The following FTO variants were observed in gnomAD, a reference collection of about 807,000 sequenced individuals.
The protein encoded by FTO is alpha-ketoglutarate-dependent dioxygenase FTO.
A neutral mutation model predicts 63.9 loss-of-function variants in FTO; 47 were observed. That is an observed-to-expected ratio of 0.74 (90% confidence interval 0.58 to 0.94). The LOEUF is 0.94. Among genes scored for constraint, FTO ranks in the 40% least tolerant of loss-of-function variants. The pLI, the probability that FTO is intolerant of heterozygous loss-of-function variation, is 0.00. For synonymous variants in FTO, 207 were observed against 224.4 expected (o/e 0.92, Z 0.69); for missense variants, 562 against 618.1 (o/e 0.91, Z 0.96).
At position 54,117,704 on chromosome 16, in the gene FTO, T is replaced by C. The variant is rs1262931692; in HGVS notation, c.*5789T>C. ...ATAAATGAGATATTATGAAAAATGA[T>C]GTTTTAGGACTCTCATTTCTACAGT... is the stretch of plus-strand genomic sequence containing the variant. On this transcript the variant is annotated 3_prime_UTR_variant, in exon 9 of 9. Transcript: ENST00000471389. The C allele has an allele frequency of 2.0e-5, 3 of 152,200 alleles. No homozygotes were observed. The highest frequency in any genetic ancestry group is 4.4e-5 in the Non-Finnish European group (3 of 68,048). The allele number at this position is 152,200 out of a possible 1,614,324, so 9.4% of individuals were successfully genotyped here.
At chr16:53,861,886 C>A (rs2080183781) in intron 4 of FTO, among the ~76,000 whole-genome samples, 1 of 152,080 alleles carries the variant, frequency 6.6e-6, no homozygotes, top group Non-Finnish European at 1.5e-5. Context: ...AGAAGAGTGA[C>A]TTCCTATCCT....
intron 8 of FTO, among the ~76,000 whole-genome samples, chr16:54,012,380 T>C (rs1013702496): frequency 2.2e-4 from 33 of 152,280 alleles, no homozygotes; most frequent in Non-Finnish European, 3.7e-4. Context: ...AGAGGATGGT[T>C]CATGAGATTT....
intron 4 of FTO, among the ~76,000 whole-genome samples, chr16:53,852,181 T>C (rs2079827968): frequency 6.8e-6 from 1 of 147,516 alleles, no homozygotes; most frequent in Non-Finnish European, 1.5e-5. Flanking sequence ...GAGGTTGAAG[T>C]GGGAGGATCA....
At chr16:53,990,849 G>A (rs577200389) in intron 8 of FTO, among the ~76,000 whole-genome samples, 1 of 151,926 alleles carries the variant, frequency 6.6e-6, no homozygotes, top group African/African-American at 2.4e-5. Context: ...TGTATTTTTA[G>A]TAGAGACAGG....
chr16:53,838,049 A>T (rs934752162), intron 3 of FTO, among the ~76,000 whole-genome samples: 1 of 152,272 alleles, frequency 6.6e-6, no homozygotes, highest in East Asian at 1.9e-4. Flanking sequence ...CCCTCCTAGA[A>T]TGTGCCTTCC....
chr16:53,886,609 T>G (rs2081003534), intron 6 of FTO, among the ~76,000 whole-genome samples: 1 of 152,252 alleles, frequency 6.6e-6, no homozygotes, highest in Non-Finnish European at 1.5e-5. Flanking sequence ...TTTAATATTG[T>G]CTACATTCCT....
intron 8 of FTO, among the ~76,000 whole-genome samples, chr16:54,002,551 A>G (rs2084092630): frequency 6.6e-6 from 1 of 152,224 alleles, no homozygotes; most frequent in South Asian, 2.1e-4. Flanking sequence ...GGAAAGCAGC[A>G]CAGGCGTTGC....
intron 3 of FTO, among the ~76,000 whole-genome samples, chr16:53,835,794 C>T (rs1424396528): frequency 6.6e-6 from 1 of 151,942 alleles, no homozygotes; most frequent in Non-Finnish European, 1.5e-5. Flanking sequence ...CTGGACTCTT[C>T]CTCTAGTTTT....
intron 4 of FTO, among the ~76,000 whole-genome samples, chr16:53,849,635 G>C (rs1380357887): frequency 6.6e-6 from 1 of 152,208 alleles, no homozygotes; most frequent in East Asian, 1.9e-4. Context: ...GTTTTTTATA[G>C]ATTAAGTTCA....
intron 8 of FTO, among the ~76,000 whole-genome samples, chr16:53,967,257 C>A (rs1331701684): frequency 6.6e-6 from 1 of 151,888 alleles, no homozygotes; most frequent in Admixed American, 6.6e-5. Flanking sequence ...GTGAAAGTTT[C>A]TTTCTGTGTG....
intron 1 of FTO, among the ~76,000 whole-genome samples, chr16:53,791,132 G>A (rs1036586216): frequency 1.3e-5 from 2 of 152,188 alleles, no homozygotes; most frequent in African/African-American, 4.8e-5. Flanking sequence ...GCCTTGGGAA[G>A]AATAGTTTCA....
At chr16:53,852,497 G>A (rs899389332) in intron 4 of FTO, among the ~76,000 whole-genome samples, 1 of 152,064 alleles carries the variant, frequency 6.6e-6, no homozygotes, top group Admixed American at 6.6e-5. Context: ...ACATGATTGA[G>A]GTTTACAACT....
At chr16:53,744,832 C>G (rs1210510292) in intron 1 of FTO, among the ~76,000 whole-genome samples, 2 of 71,994 alleles carry the variant, frequency 2.8e-5, no homozygotes, top group Non-Finnish European at 5.5e-5. Flanking sequence ...TCTTCCCCCC[C>G]CCCATATATG....
chr16:53,967,112 C>A (rs1384707340), intron 8 of FTO, among the ~76,000 whole-genome samples: 1 of 152,136 alleles, frequency 6.6e-6, no homozygotes, highest in Non-Finnish European at 1.5e-5. Flanking sequence ...CCTAAGGATT[C>A]TGGGAAAAGG....
intron 1 of FTO, among the ~76,000 whole-genome samples, chr16:53,743,004 C>T (rs2076562438): frequency 6.6e-6 from 1 of 152,136 alleles, no homozygotes; most frequent in South Asian, 2.1e-4. Context: ...TCTGCACACT[C>T]CATGATGTGG....
chr16:53,829,976 G>A (rs1296637104), intron 3 of FTO, among the ~76,000 whole-genome samples: 1 of 151,896 alleles, frequency 6.6e-6, no homozygotes, highest in African/African-American at 2.4e-5. Context: ...AAATGCACTG[G>A]GAATTCAGAT....
At chr16:53,990,842 A>G (rs2083792885) in intron 8 of FTO, among the ~76,000 whole-genome samples, 1 of 151,594 alleles carries the variant, frequency 6.6e-6, no homozygotes, top group South Asian at 2.1e-4. Flanking sequence ...TAATTTATGT[A>G]TTTTTAGTAG....
chr16:53,885,620 G>T (rs1296637122), intron 6 of FTO, among the ~76,000 whole-genome samples: 2 of 152,200 alleles, frequency 1.3e-5, no homozygotes, highest in African/African-American at 2.4e-5. Flanking sequence ...AAGCCTTGTG[G>T]TCTTGTTTAG....
intron 1 of FTO, among the ~76,000 whole-genome samples, chr16:53,797,076 C>T (rs1317253808): frequency 6.6e-6 from 1 of 152,124 alleles, no homozygotes; most frequent in African/African-American, 2.4e-5. Context: ...TTTCTCTCTC[C>T]CTTTTAAAAA....
Sources: allele counts gnomAD v4.1 joint callset (sites outside exome capture counted in the v4.1 genomes callset), GRCh38; gene constraint gnomAD v4.1.1; transcripts MANE v1.5; gene names NCBI Gene and HGNC (gene_info 2026-07-23, HGNC 2026-07-21).